Variants in KAZN observed in about 807,000 individuals in gnomAD.
KAZN encodes kazrin, periplakin interacting protein.
In KAZN, 40 loss-of-function variants were observed where a neutral mutation model predicts 87.4. That is an observed-to-expected ratio of 0.46 (90% confidence interval 0.36 to 0.60). KAZN has a LOEUF of 0.60. Ranked by LOEUF, KAZN falls within the 20% of genes least tolerant of loss-of-function variation. The pLI, the probability that KAZN is intolerant of heterozygous loss-of-function variation, is 0.00. For synonymous variants in KAZN, 466 were observed against 458.3 expected (o/e 1.02, Z -0.22); for missense variants, 898 against 1,073.9 (o/e 0.84, Z 2.29).
At chr1:14,452,959 C>CTGT (rs1162170035) in intron 2 of KAZN, among the ~76,000 whole-genome samples, 1 of 151,908 alleles carries the variant, frequency 6.6e-6, no homozygotes, top group African/African-American at 2.4e-5. Flanking sequence ...TTTGTTGTTG[C>CTGT]TGTTGTTGTT....
intron 2 of KAZN, among the ~76,000 whole-genome samples, chr1:14,385,721 C>T (rs993080393): frequency 1.3e-4 from 19 of 150,842 alleles, no homozygotes; most frequent in African/African-American, 4.7e-4. Context: ...CTGAGGAGAG[C>T]TTTACTTCCA....
intron 1 of KAZN, among the ~76,000 whole-genome samples, chr1:14,629,725 G>A (rs950372955): frequency 1.4e-4 from 21 of 152,262 alleles, no homozygotes; most frequent in East Asian, 1.2e-3. Flanking sequence ...CAGTTGGGTC[G>A]CATGCCCACC....
At chr1:14,706,287 C>T (rs957457473) in intron 1 of KAZN, among the ~76,000 whole-genome samples, 8 of 151,928 alleles carry the variant, frequency 5.3e-5, no homozygotes, top group African/African-American at 9.7e-5. Context: ...TAATAAAGTG[C>T]ACAATAAATA....
At chr1:14,280,093 T>C (rs1652726322) in intron 2 of KAZN, among the ~76,000 whole-genome samples, 1 of 152,030 alleles carries the variant, frequency 6.6e-6, no homozygotes, top group South Asian at 2.1e-4. Flanking sequence ...CCGGGCGCGG[T>C]GGCTCACACC....
chr1:14,419,160 G>T (rs1391377834), intron 2 of KAZN, among the ~76,000 whole-genome samples: 1 of 152,170 alleles, frequency 6.6e-6, no homozygotes, highest in East Asian at 1.9e-4. Flanking sequence ...CATAAACCAG[G>T]CACTGTAATA....
At chr1:14,687,763 T>C (rs1641039789) in intron 1 of KAZN, among the ~76,000 whole-genome samples, 1 of 152,218 alleles carries the variant, frequency 6.6e-6, no homozygotes, top group Non-Finnish European at 1.5e-5. Flanking sequence ...GGGGCAATAA[T>C]GAATCATATC....
intron 2 of KAZN, among the ~76,000 whole-genome samples, chr1:14,550,049 G>A (rs1219960936): frequency 6.6e-6 from 1 of 152,190 alleles, no homozygotes; most frequent in Non-Finnish European, 1.5e-5. Flanking sequence ...TTAGTTTCTG[G>A]TTCCGTTGAC....
chr1:14,378,352 T>C (rs937040069), intron 2 of KAZN, among the ~76,000 whole-genome samples: 1 of 152,192 alleles, frequency 6.6e-6, no homozygotes, highest in Non-Finnish European at 1.5e-5. Context: ...GCTGGCTGAA[T>C]AGAAGTCTCC....
At chr1:14,466,331 G>GAAA (rs35923619) in intron 2 of KAZN, among the ~76,000 whole-genome samples, 2 of 150,546 alleles carry the variant, frequency 1.3e-5, no homozygotes, top group Non-Finnish European at 1.5e-5. Flanking sequence ...TTTTTATAAG[G>GAAA]AAAACAAAAA....
intron 1 of KAZN, chr1:14,924,703 G>A (rs1198233558): frequency 5.3e-6 from 2 of 376,658 alleles, no homozygotes; most frequent in Non-Finnish European, 7.3e-6. Flanking sequence ...GCAGCGCGCG[G>A]AGCCCCGAGC....
chr1:14,403,258 T>C (rs1465296135), intron 2 of KAZN, among the ~76,000 whole-genome samples: 1 of 152,200 alleles, frequency 6.6e-6, no homozygotes, highest in Non-Finnish European at 1.5e-5. Flanking sequence ...AAGTACATCC[T>C]TACTTCACAC....
intron 1 of KAZN, among the ~76,000 whole-genome samples, chr1:13,968,900 C>T (rs1642038307): frequency 6.6e-6 from 1 of 152,148 alleles, no homozygotes; most frequent in South Asian, 2.1e-4. Context: ...ACAAGTACAG[C>T]TGTGACCTGC....
intron 1 of KAZN, among the ~76,000 whole-genome samples, chr1:13,958,445 G>A (rs1641630668): frequency 6.6e-6 from 1 of 151,714 alleles, no homozygotes; most frequent in East Asian, 1.9e-4. Context: ...ATAGTGGCGG[G>A]CACCTGTAGT....
intron 1 of KAZN, among the ~76,000 whole-genome samples, chr1:14,655,493 T>G (rs1371765085): frequency 6.6e-6 from 1 of 152,208 alleles, no homozygotes; most frequent in Non-Finnish European, 1.5e-5. Context: ...ATTAGTGAAA[T>G]CCCTCTTTAT....
intron 1 of KAZN, among the ~76,000 whole-genome samples, chr1:14,067,736 A>G (rs1467110611): frequency 6.6e-6 from 1 of 152,198 alleles, no homozygotes; most frequent in African/African-American, 2.4e-5. Flanking sequence ...AAAACGGGGA[A>G]GGGTGAATTA....
intron 1 of KAZN, among the ~76,000 whole-genome samples, chr1:13,897,646 C>T (rs77055824): frequency 4.4e-4 from 67 of 152,270 alleles, no homozygotes; most frequent in African/African-American, 1.6e-3. Flanking sequence ...ATGGAGCATT[C>T]CCTAGTTAAC....
chr1:14,713,801 G>GAAAGAAAA (rs1642627108), intron 1 of KAZN, among the ~76,000 whole-genome samples: 1 of 98,724 alleles, frequency 1.0e-5, no homozygotes, highest in African/African-American at 4.1e-5. Flanking sequence ...AAAAAAAAAA[G>GAAAGAAAA]AAAGAATAAT....
At chr1:14,786,713 G>A (rs567005057) in intron 1 of KAZN, among the ~76,000 whole-genome samples, 3 of 152,274 alleles carry the variant, frequency 2.0e-5, no homozygotes, top group African/African-American at 7.2e-5. Flanking sequence ...TTTGTATACA[G>A]CAATGCCTGA....
chr1:15,034,452 G>A (rs767654329), intron 2 of KAZN, among the ~76,000 whole-genome samples: 5 of 152,112 alleles, frequency 3.3e-5, no homozygotes, highest in African/African-American at 9.7e-5. Flanking sequence ...TCAGTTCTTC[G>A]TCATTGAACA....
Sources: gnomAD v4.1 joint callset for allele counts (sites outside exome capture counted in the v4.1 genomes callset) on GRCh38, gnomAD v4.1.1 for gene constraint, MANE v1.5 for transcripts, NCBI Gene and HGNC (gene_info 2026-07-23, HGNC 2026-07-21) for gene names.